The following SHISA6 variants were observed in gnomAD, a reference collection of about 807,000 sequenced individuals.
SHISA6 encodes the protein protein shisa-6.
A neutral mutation model predicts 47.9 loss-of-function variants in SHISA6; 22 were observed. The ratio of observed to expected loss-of-function variants is 0.46; its 90% CI spans 0.33 to 0.66. The LOEUF is 0.66. Among genes scored for constraint, SHISA6 ranks in the 30% least tolerant of loss-of-function variants. SHISA6 has a pLI of 0.02. For synonymous variants in SHISA6, 388 were observed against 337.8 expected, an observed-to-expected ratio of 1.15 and a Z score of -1.63; for missense variants, 680 against 764.6, an observed-to-expected ratio of 0.89 and a Z score of 1.30.
intron 3 of SHISA6, among the ~76,000 whole-genome samples, chr17:11,462,885 C>T (rs935182812): frequency 2.6e-5 from 4 of 152,194 alleles, no homozygotes; most frequent in Non-Finnish European, 5.9e-5. Flanking sequence ...ACCTTGGCCT[C>T]CCAAAGTGCT....
chr17:11,370,140 C>T (rs1158330920), intron 2 of SHISA6, among the ~76,000 whole-genome samples: 1 of 152,108 alleles, frequency 6.6e-6, no homozygotes, highest in African/African-American at 2.4e-5. Context: ...GGGTTTAGCC[C>T]CTCTAAAACC....
chr17:11,341,090 T>C (rs868737199), intron 2 of SHISA6, among the ~76,000 whole-genome samples: 7 of 152,324 alleles, frequency 4.6e-5, no homozygotes, highest in South Asian at 4.1e-4. Context: ...AAAAGTTCTG[T>C]TGGTCAATCT....
At chr17:11,461,591 T>C (rs1915693530) in intron 3 of SHISA6, among the ~76,000 whole-genome samples, 2 of 151,844 alleles carry the variant, frequency 1.3e-5, no homozygotes, top group African/African-American at 4.8e-5. Context: ...CAGGAAAACA[T>C]GGGTAAGAGT....
intron 2 of SHISA6, among the ~76,000 whole-genome samples, chr17:11,369,920 C>T (rs55681359): frequency 0.48 from 72,340 of 151,558 alleles, 17,439 homozygotes; most frequent in Middle Eastern, 0.57. Context: ...GGCTGCTAGG[C>T]ACATTGAATG....
intron 2 of SHISA6, among the ~76,000 whole-genome samples, chr17:11,337,860 T>TTTATTATTGAAATGA (rs2142210278): frequency 6.6e-6 from 1 of 152,274 alleles, no homozygotes; most frequent in South Asian, 2.1e-4. Context: ...TAATAATTAT[T>TTTATTATTGAAATGA]AGTCAAATGA....
intron 3 of SHISA6, among the ~76,000 whole-genome samples, chr17:11,382,769 T>G (rs1369940947): frequency 6.6e-6 from 1 of 152,118 alleles, no homozygotes; most frequent in East Asian, 1.9e-4. Flanking sequence ...AACACCTGCT[T>G]TGCAAGGTAA....
At chr17:11,370,942 A>G (rs1183003308) in intron 2 of SHISA6, among the ~76,000 whole-genome samples, 1 of 152,144 alleles carries the variant, frequency 6.6e-6, no homozygotes, top group African/African-American at 2.4e-5. Context: ...CGCCAGCAGC[A>G]GTGTAGGCAG....
At chr17:11,244,181 G>A (rs1907486109) in intron 1 of SHISA6, among the ~76,000 whole-genome samples, 1 of 152,128 alleles carries the variant, frequency 6.6e-6, no homozygotes, top group Non-Finnish European at 1.5e-5. Context: ...TCAGGCCTCA[G>A]AGCTTTATGC....
At chr17:11,393,878 C>T (rs933373132) in intron 3 of SHISA6, among the ~76,000 whole-genome samples, 2 of 152,186 alleles carry the variant, frequency 1.3e-5, no homozygotes, top group Non-Finnish European at 1.5e-5. Context: ...CTTTTTAGGG[C>T]CTTTGCACAG....
At chr17:11,271,630 T>G (rs1190947266) in intron 2 of SHISA6, among the ~76,000 whole-genome samples, 1 of 69,270 alleles carries the variant, frequency 1.4e-5, no homozygotes, top group African/African-American at 3.9e-5. Context: ...TTTTTTTTTT[T>G]TGTATTTTTA....
At chr17:11,384,902 C>T (rs920217690) in intron 3 of SHISA6, among the ~76,000 whole-genome samples, 1 of 152,180 alleles carries the variant, frequency 6.6e-6, no homozygotes, top group South Asian at 2.1e-4. Context: ...AAAGGAGCTA[C>T]AGTGATCGCT....
chr17:11,476,644 T>C (rs774909556), intron 3 of SHISA6, among the ~76,000 whole-genome samples: 14 of 151,632 alleles, frequency 9.2e-5, no homozygotes, highest in Non-Finnish European at 1.8e-4. Context: ...ACAGATGTTA[T>C]GTTAAATTCA....
Position 11,241,367 on chromosome 17 carries a change from GC to G in SHISA6, c.-54del. 1 of 1,011,996 alleles carries G rather than the reference GC, an allele frequency of 9.9e-7. No individual in the cohort carries two copies. The highest frequency in any genetic ancestry group is 1.2e-6 in the Non-Finnish European group (1 of 848,732). The allele number at this position is 1,011,996 out of a possible 1,614,324, so 62.7% of individuals were successfully genotyped here. A position where few individuals can be genotyped will look rare whatever the true frequency, so the allele number is the denominator to read the frequency against. ...GCGGCGGGTCCTCCGAGCCCGGCCC[GC>G]CGGGGGAGCGGCCTGCCGCGGAAGC... On this transcript the variant is annotated 5_prime_UTR_variant, in exon 1 of 6. Coordinates refer to ENST00000441885, the MANE Select transcript of SHISA6 (RefSeq NM_207386.4). This position sits in a 1 kb window ranked among gnomAD's most constrained non-coding sequence, Gnocchi z 5.5.
intron 2 of SHISA6, among the ~76,000 whole-genome samples, chr17:11,279,112 T>C (rs1909033109): frequency 6.6e-6 from 1 of 152,162 alleles, no homozygotes; most frequent in African/African-American, 2.4e-5. Flanking sequence ...GTGGTGCAGC[T>C]ACAAGCATGC....
chr17:11,475,054 C>T (rs1392875651), intron 3 of SHISA6, among the ~76,000 whole-genome samples: 1 of 152,058 alleles, frequency 6.6e-6, no homozygotes, highest in Non-Finnish European at 1.5e-5. Flanking sequence ...ATCTTACACA[C>T]ATTTTGTTAG....
At chr17:11,439,681 C>T (rs1915047622) in intron 3 of SHISA6, among the ~76,000 whole-genome samples, 1 of 152,152 alleles carries the variant, frequency 6.6e-6, no homozygotes, top group Non-Finnish European at 1.5e-5. Flanking sequence ...AAAAATTACC[C>T]TGCATTTAGT....
At chr17:11,321,427 A>G (rs1336818196) in intron 2 of SHISA6, among the ~76,000 whole-genome samples, 3 of 152,198 alleles carry the variant, frequency 2.0e-5, no homozygotes, top group Admixed American at 6.5e-5. Flanking sequence ...GCAACCAACA[A>G]TATTAGTCAG....
intron 3 of SHISA6, among the ~76,000 whole-genome samples, chr17:11,489,776 C>T (rs529167338): frequency 1.3e-5 from 2 of 152,266 alleles, no homozygotes; most frequent in Admixed American, 6.5e-5. Flanking sequence ...TTTTGATCAT[C>T]CCAACTTGGG....
At chr17:11,275,255 G>A (rs1908847365) in intron 2 of SHISA6, among the ~76,000 whole-genome samples, 1 of 151,840 alleles carries the variant, frequency 6.6e-6, no homozygotes, top group African/African-American at 2.4e-5. Flanking sequence ...TGGCTCAGTT[G>A]TTCTAATGGC....
Sources: gnomAD v4.1 joint callset for allele counts (sites outside exome capture counted in the v4.1 genomes callset) on GRCh38, gnomAD v4.1.1 for gene constraint, Gnocchi (gnomAD v3.1) non-coding constraint, MANE v1.5 for transcripts, NCBI Gene and HGNC (gene_info 2026-07-23, HGNC 2026-07-21) for gene names.